The following EFCAB13 variants were observed in gnomAD, a reference collection of about 807,000 sequenced individuals.
The protein encoded by EFCAB13 is EF-hand calcium-binding domain-containing protein 13.
Under a neutral mutation model 110.2 loss-of-function variants are expected in EFCAB13, and 91 were observed. The ratio of observed to expected loss-of-function variants is 0.83; its 90% CI spans 0.70 to 0.98. EFCAB13 has a LOEUF of 0.98. Ranked by LOEUF, EFCAB13 falls within the 50% of genes least tolerant of loss-of-function variation. EFCAB13 has a pLI of 0.00. For missense variants in EFCAB13, 968 were observed against 1,119.4 expected, an observed-to-expected ratio of 0.86 and a Z score of 1.93; for synonymous variants, 323 against 369.9, an observed-to-expected ratio of 0.87 and a Z score of 1.45.
chr17:47,380,923 CCT>C (rs1411757367), intron 14 of EFCAB13, among the ~76,000 whole-genome samples: 1 of 145,720 alleles, frequency 6.9e-6, no homozygotes, highest in East Asian at 2.1e-4. Context: ...CACTCTGTCA[CCT>C]AGGCTGGAGT....
At chr17:47,412,073 G>A (rs2065838366) in intron 21 of EFCAB13, among the ~76,000 whole-genome samples, 1 of 152,210 alleles carries the variant, frequency 6.6e-6, no homozygotes, top group South Asian at 2.1e-4. Flanking sequence ...CAGCCTGGGT[G>A]ACAGAGTGAG....
At chr17:47,364,528 G>T (rs983450176) in intron 10 of EFCAB13, among the ~76,000 whole-genome samples, 4 of 152,104 alleles carry the variant, frequency 2.6e-5, no homozygotes, top group Admixed American at 2.6e-4. Context: ...GGCCAGGATG[G>T]TCTCGATCTC....
intron 23 of EFCAB13, among the ~76,000 whole-genome samples, chr17:47,418,733 T>C (rs1172972106): frequency 1.3e-5 from 2 of 152,234 alleles, no homozygotes; most frequent in Admixed American, 1.3e-4. Context: ...GTATGTGGTG[T>C]GAGATGACAG....
chr17:47,360,993 ATTTAGTG>A (rs1000527740), intron 9 of EFCAB13, among the ~76,000 whole-genome samples: 1 of 151,630 alleles, frequency 6.6e-6, no homozygotes, highest in African/African-American at 2.4e-5. Context: ...TGATAAAGTG[ATTTAGTG>A]TTTAATTTAT....
rs549127231 is a variant in EFCAB13 at position 47,342,715 on chromosome 17, C to A, written c.303+683C>A. Among the ~76,000 whole-genome samples, 395 of 152,192 alleles carry A rather than the reference C, an allele frequency of 2.6e-3. 1 individual carries two copies. The highest frequency in any genetic ancestry group is 9.2e-3 in the African/African-American group (383 of 41,542). On this transcript the variant is annotated intron_variant, in intron 6 of 24. Coordinates refer to ENST00000331493, the MANE Select transcript of EFCAB13 (RefSeq NM_152347.5). ...TATCTTTTAGATATTTCCCCTCTTT[C>A]AATCTCTTTACTGTCCCTTTGTATC... is the stretch of plus-strand genomic sequence containing the variant.
At chr17:47,351,322 C>T (rs551493934) in intron 9 of EFCAB13, among the ~76,000 whole-genome samples, 196 of 55,802 alleles carry the variant, frequency 3.5e-3, no homozygotes, top group Middle Eastern at 0.015. Context: ...CGCGCGCGCG[C>T]GCGCGCCACG....
intron 9 of EFCAB13, among the ~76,000 whole-genome samples, chr17:47,353,195 A>G (rs1361066008): frequency 6.6e-6 from 1 of 152,098 alleles, no homozygotes; most frequent in African/African-American, 2.4e-5. Flanking sequence ...TTCCCCATTC[A>G]GTAGGATGTT....
intron 14 of EFCAB13, among the ~76,000 whole-genome samples, chr17:47,389,677 G>A (rs2065695560): frequency 6.6e-6 from 1 of 151,004 alleles, no homozygotes; most frequent in Admixed American, 6.6e-5. Flanking sequence ...CTTTTACCTG[G>A]GCTTTTTGTA....
chr17:47,416,323 T>G (rs1904442284), intron 23 of EFCAB13, among the ~76,000 whole-genome samples: 1 of 152,232 alleles, frequency 6.6e-6, no homozygotes, highest in Admixed American at 6.5e-5. Context: ...ATGAATCTAC[T>G]TTCTGTCTGT....
chr17:47,427,925 T>TAA (rs113361100), intron 23 of EFCAB13, among the ~76,000 whole-genome samples: 1 of 151,740 alleles, frequency 6.6e-6, no homozygotes, highest in African/African-American at 2.4e-5. Context: ...TGTTTAGAAA[T>TAA]AAAAAAAATG....
chr17:47,436,123 C>T (rs894819348), intron 24 of EFCAB13, among the ~76,000 whole-genome samples: 3 of 152,080 alleles, frequency 2.0e-5, no homozygotes, highest in Non-Finnish European at 2.9e-5. Flanking sequence ...GGTACGAAAC[C>T]CACTTGATCA....
At chr17:47,404,134 CT>C in intron 19 of EFCAB13, 113 bp downstream of exon 19, 1 of 853,896 alleles carries the variant, frequency 1.2e-6, no homozygotes. Flanking sequence ...GAAACGGAGC[CT>C]TTCCTCTTAA....
rs112558334 is a variant in EFCAB13 at position 47,397,019 on chromosome 17, T to C, written c.1945+1042T>C. Among the ~76,000 whole-genome samples the C allele has an allele frequency of 6.8e-3, 883 of 129,010 alleles. 12 individuals carry two copies. Among genetic ancestry groups the C allele is most frequent in the East Asian group, 0.036 (119 of 3,278 alleles). The allele number at this position is 129,010 out of a possible 152,430, so 84.6% of individuals were successfully genotyped here. ...GATATGAAAATAACGTCCCTCTCCC[T>C]CTCCCCCTCCCCCTCCCCCTCCCCC... is the stretch of plus-strand genomic sequence containing the variant. On this transcript the variant is annotated intron_variant, in intron 17 of 24. Transcript: ENST00000331493.
intron 24 of EFCAB13, among the ~76,000 whole-genome samples, chr17:47,439,716 C>G (rs1555591440): frequency 6.6e-6 from 1 of 151,738 alleles, no homozygotes; most frequent in South Asian, 2.1e-4. Flanking sequence ...ACCTTTTTTT[C>G]TCTTGCTCCC....
chr17:47,355,274 A>G (rs952823234), intron 9 of EFCAB13, among the ~76,000 whole-genome samples: 17 of 152,168 alleles, frequency 1.1e-4, no homozygotes, highest in African/African-American at 4.1e-4. Context: ...TTTCCTTTAT[A>G]GGTTACCTGA....
chr17:47,376,804 C>T (rs2065617839), intron 12 of EFCAB13, among the ~76,000 whole-genome samples: 1 of 152,166 alleles, frequency 6.6e-6, no homozygotes, highest in Non-Finnish European at 1.5e-5. Flanking sequence ...CTTTAGTCCC[C>T]TTCAGTCTGG....
intron 9 of EFCAB13, among the ~76,000 whole-genome samples, chr17:47,351,928 G>T (rs2143290903): frequency 7.2e-6 from 1 of 139,562 alleles, no homozygotes; most frequent in Non-Finnish European, 1.5e-5. Context: ...TTTAGATGGA[G>T]TCTCGCTCTG....
intron 2 of EFCAB13, among the ~76,000 whole-genome samples, chr17:47,325,242 T>A (rs958256650): frequency 2.0e-5 from 3 of 151,388 alleles, no homozygotes; most frequent in African/African-American, 4.9e-5. Flanking sequence ...CTTGAACTCC[T>A]GGCCTTAAGC....
intron 23 of EFCAB13, among the ~76,000 whole-genome samples, chr17:47,420,545 C>T (rs796539810): frequency 7.1e-5 from 3 of 42,040 alleles, no homozygotes; most frequent in Non-Finnish European, 1.6e-4. Flanking sequence ...AAGTGAGGAG[C>T]GTCTCTGCCC....
Sources: gnomAD v4.1 joint callset for allele counts (sites outside exome capture counted in the v4.1 genomes callset) on GRCh38, gnomAD v4.1.1 for gene constraint, MANE v1.5 for transcripts, NCBI Gene and HGNC (gene_info 2026-07-23, HGNC 2026-07-21) for gene names.